MYO5B: variants seen among roughly 807,000 people sequenced by gnomAD.
MYO5B encodes myosin VB.
Under a neutral mutation model 229.3 loss-of-function variants are expected in MYO5B, and 143 were observed. That is an observed-to-expected ratio of 0.62 (90% CI 0.54 to 0.72). The LOEUF is 0.72. Ranked by LOEUF, MYO5B falls within the 30% of genes least tolerant of loss-of-function variation. The pLI is 0.00. For synonymous variants in MYO5B, 918 were observed against 885.2 expected (o/e 1.04, Z -0.66); for missense variants, 2,321 against 2,331.0 (o/e 1.00, Z 0.09).
At chr18:49,867,520 G>A (rs900623405) in intron 27 of MYO5B, among the ~76,000 whole-genome samples, 17 of 152,138 alleles carry the variant, frequency 1.1e-4, no homozygotes, top group Admixed American at 7.9e-4. Context: ...GCATGCTTCC[G>A]ATTTCCTGTC....
At chr18:49,933,326 C>T (rs1568036309) in intron 16 of MYO5B, among the ~76,000 whole-genome samples, 1 of 152,240 alleles carries the variant, frequency 6.6e-6, no homozygotes, top group Admixed American at 6.5e-5. Context: ...GCCCTGTCAG[C>T]ACTTTCACAG....
intron 4 of MYO5B, among the ~76,000 whole-genome samples, chr18:50,015,344 G>A (rs113220676): frequency 2.6e-5 from 4 of 152,300 alleles, no homozygotes; most frequent in African/African-American, 9.6e-5. Flanking sequence ...CTTTGGCTGG[G>A]TAATGTAATT....
At chr18:50,101,864 C>T (rs1486372592) in intron 1 of MYO5B, among the ~76,000 whole-genome samples, 1 of 152,120 alleles carries the variant, frequency 6.6e-6, no homozygotes, top group Admixed American at 6.5e-5. Context: ...TACCATTTCA[C>T]CCAGCAATCC....
At chr18:50,016,864 T>C (rs2026221297) in intron 4 of MYO5B, among the ~76,000 whole-genome samples, 1 of 150,256 alleles carries the variant, frequency 6.7e-6, no homozygotes, top group East Asian at 2.0e-4. Context: ...TCTACCCCTA[T>C]ACCAAATCTG....
rs754441890 is a variant in MYO5B, at chr18:49,904,667, C to T, written c.2571+5G>A. The stretch of plus-strand genomic sequence containing the variant: ...AGCCCTGAGGCCCTCAGAGTGGCTA[C>T]TCACCTGGCGGTAGGTTCTCCGCAC... On this transcript the variant is annotated splice_donor_5th_base_variant and intron_variant, in intron 20 of 39. Coordinates refer to ENST00000285039, the MANE Select transcript of MYO5B (RefSeq NM_001080467.3). 1.2e-6 allele frequency: 2 copies of T among 1,611,868 alleles called. No homozygotes were observed. The highest frequency in any genetic ancestry group is 2.2e-5 in the South Asian group (2 of 91,088).
chr18:50,191,811 C>T (rs2033231548), intron 1 of MYO5B, among the ~76,000 whole-genome samples: 1 of 152,126 alleles, frequency 6.6e-6, no homozygotes, highest in African/African-American at 2.4e-5. Context: ...GGATCTAGAA[C>T]AGGGTCTAGT....
At position 49,906,440 on chromosome 18, in the gene MYO5B, C is replaced by A. The variant is rs2024900385; in HGVS notation, c.2393G>T (p.Cys798Phe). 1.2e-6 allele frequency: 2 copies of A among 1,614,008 alleles called. No homozygotes were observed. The highest frequency in any genetic ancestry group is 1.7e-6 in the Non-Finnish European group (2 of 1,180,030). ...KGATLTLQRY[C>F]RGHLARRLAE... ...TCACCTGCGGGCCAGGTGTCCCCGG[C>A]AGTACCTCTGCAGGGTTAAGGTAGC... The change falls in exon 19 of 40, where the codon TGC becomes TTC. Residue 798 changes from cysteine to phenylalanine, a missense_variant. By Grantham distance (205) the Cys-to-Phe change is radical. Around this residue, in one of 2 missense-constraint regions of MYO5B, gnomAD observed 2,113 missense variants for 2,044.7 expected, o/e 1.03. Transcript: ENST00000285039.
intron 4 of MYO5B, 118 bp from the exon 5 acceptor site, chr18:50,001,529 T>C: frequency 1.6e-6 from 2 of 1,228,468 alleles, no homozygotes; most frequent in Non-Finnish European, 2.4e-6. Context: ...CTTTAATGGA[T>C]AAACGCAGAG....
chr18:50,062,884 T>G (rs1274439738), intron 1 of MYO5B, among the ~76,000 whole-genome samples: 2 of 152,224 alleles, frequency 1.3e-5, no homozygotes, highest in East Asian at 3.9e-4. Context: ...CCCACTCCCA[T>G]CATCAGGTAA....
rs767739265 is a variant in MYO5B at position 49,984,701 on chromosome 18, A to C, written c.946+17T>G. 5 of 1,580,200 alleles carry C rather than the reference A, an allele frequency of 3.2e-6. No homozygotes were observed. In the African/African-American group the frequency reaches 4.0e-5, roughly 13 times the overall value. On this transcript the variant is annotated intron_variant, in intron 8 of 39. Transcript: ENST00000285039. ...TCAGCCCTCGGGGCCTGCTTCCCCAACTAAGAAGCTCCTTACCGAGGAGTG... is the reference window on the plus strand; with the variant it reads ...TCAGCCCTCGGGGCCTGCTTCCCCACCTAAGAAGCTCCTTACCGAGGAGTG...
intron 1 of MYO5B, among the ~76,000 whole-genome samples, chr18:50,119,838 G>A (rs1274175040): frequency 6.6e-6 from 1 of 151,688 alleles, no homozygotes; most frequent in East Asian, 1.9e-4. Flanking sequence ...GCTGAAAAAG[G>A]AAAAAAAATT....
At chr18:50,048,979 A>G (rs1034210385) in intron 2 of MYO5B, among the ~76,000 whole-genome samples, 1 of 150,350 alleles carries the variant, frequency 6.7e-6, no homozygotes, top group Admixed American at 6.7e-5. Flanking sequence ...CCGAGATTGC[A>G]CCACTGCACC....
At position 50,094,665 on chromosome 18, in the gene MYO5B, T is replaced by TTA. The variant is rs548612599; in HGVS notation, c.28-39289_28-39288dup. Among the ~76,000 whole-genome samples the TTA allele has an allele frequency of 4.6e-3, 693 of 152,272 alleles. 3 individuals are homozygous for TTA. Among genetic ancestry groups the TTA allele is most frequent in the Middle Eastern group, 6.8e-3 (2 of 294 alleles). On this transcript the variant is annotated intron_variant, in intron 1 of 39. Coordinates refer to ENST00000285039, the MANE Select transcript of MYO5B (RefSeq NM_001080467.3). ...ACCTATATGGAGACCAGTGTTGCTT[T>TTA]TATCAAAGACAACAGAGATTTGGGT...
At chr18:49,995,483 T>C (rs1352570560) in intron 5 of MYO5B, among the ~76,000 whole-genome samples, 2 of 151,748 alleles carry the variant, frequency 1.3e-5, no homozygotes, top group Non-Finnish European at 2.9e-5. Context: ...ATGGTCTCGA[T>C]CTCCTGACCT....
At chr18:49,953,524 G>A (rs934759526) in intron 13 of MYO5B, among the ~76,000 whole-genome samples, 181 bp from the exon 14 acceptor site, 1 of 152,200 alleles carries the variant, frequency 6.6e-6, no homozygotes, top group African/African-American at 2.4e-5. Context: ...AGGGAACTGA[G>A]TATTCATTTT....
chr18:49,980,549 C>G lies in MYO5B; in HGVS notation c.951G>C (p.Val317=), dbSNP rs2144293541. ...AAATGCTCATCTGATGGGACTCTTT[C>G]ACTCCTGGAAAAGAAAAATGAATGG... is the stretch of plus-strand genomic sequence containing the variant. ...KTRQAFTLLG[V]KESHQMSIFK... Residue 317 remains valine, a synonymous_variant, in exon 9 of 40, where the codon GTG becomes GTC. Coordinates refer to ENST00000285039, the MANE Select transcript of MYO5B (RefSeq NM_001080467.3). The G allele has an allele frequency of 1.9e-6, 3 of 1,607,614 alleles. No individual in the cohort carries two copies. The highest frequency in any genetic ancestry group is 1.7e-6 in the Non-Finnish European group (2 of 1,174,106).
chr18:49,968,649 T>A (rs1388225884), intron 10 of MYO5B, among the ~76,000 whole-genome samples: 1 of 152,056 alleles, frequency 6.6e-6, no homozygotes, highest in Non-Finnish European at 1.5e-5. Flanking sequence ...ATAAAACTTG[T>A]TTAATCTTAA....
At chr18:50,148,486 A>G (rs1046057373) in intron 1 of MYO5B, among the ~76,000 whole-genome samples, 5 of 152,120 alleles carry the variant, frequency 3.3e-5, no homozygotes, top group Non-Finnish European at 5.9e-5. Context: ...CTTATCCGCC[A>G]TGATCAAGTG....
intron 1 of MYO5B, among the ~76,000 whole-genome samples, chr18:50,145,102 A>G (rs992257599): frequency 1.3e-5 from 2 of 152,180 alleles, no homozygotes; most frequent in African/African-American, 2.4e-5. Flanking sequence ...TTTTCAGCAC[A>G]GAGGAAGTTG....
Sources: allele counts gnomAD v4.1 joint callset (sites outside exome capture counted in the v4.1 genomes callset), GRCh38; gene constraint gnomAD v4.1.1; regional missense constraint gnomAD v4.1.1; transcripts MANE v1.5; gene names NCBI Gene and HGNC (gene_info 2026-07-23, HGNC 2026-07-21).